BRWD1: variants seen among roughly 807,000 people sequenced by gnomAD.
The protein encoded by BRWD1 is bromodomain and WD repeat-containing protein 1.
BRWD1 carries 82 observed loss-of-function variants against 251.2 expected under a neutral mutation model. That is an observed-to-expected ratio of 0.33 (90% CI 0.27 to 0.39). The LOEUF (loss-of-function observed/expected upper bound fraction) is 0.39, where lower values mean the gene tolerates loss of function less well. Among genes scored for constraint, BRWD1 ranks in the 10% least tolerant of loss-of-function variants. The probability of loss-of-function intolerance (pLI) is 1.00; values close to 1 mark genes in which losing one functional copy is unlikely to be tolerated. For missense variants in BRWD1, 2,233 were observed against 2,711.6 expected (o/e 0.82, Z 3.92); for synonymous variants, 918 against 902.8 (o/e 1.02, Z -0.30).
intron 13 of BRWD1, 80 bp downstream of exon 13, chr21:39,274,284 CCACTGAGAGA>C: frequency 9.6e-7 from 1 of 1,037,252 alleles, no homozygotes; most frequent in Non-Finnish European, 1.5e-6. Context: ...AACAAAATAA[CCACTGAGAGA>C]CACAGAGAGC....
rs766506347 is a variant in BRWD1, at chr21:39,295,891, C to A, written c.461G>T (p.Arg154Leu). 1.9e-6 allele frequency: 3 copies of A among 1,594,858 alleles called. No individual in the cohort carries two copies. Among genetic ancestry groups the A allele is most frequent in the Admixed American group, 1.7e-5 (1 of 58,448 alleles). Residue 154 changes from arginine (R) to leucine (L), a missense_variant, in exon 7 of 41, where the codon CGA becomes CTA. Physicochemically the swap from Arg to Leu is moderately radical, Grantham distance 102 (BLOSUM62 -2). Around this residue, in one of 12 missense-constraint regions of BRWD1, gnomAD observed 185 missense variants for 260.6 expected, o/e 0.71. Transcript: ENST00000342449. ...GGAACACCCTGTGAGTTGTTTTCCT[C>A]GATGTATCTCCACTAGGAAATAAAA... is the stretch of plus-strand genomic sequence containing the variant. Reference protein sequence around the residue: ...GSPPNLVEIHRGKQLTGCSTF... With the variant: ...GSPPNLVEIHLGKQLTGCSTF...
At chr21:39,304,850 A>G (rs993584241) in intron 4 of BRWD1, among the ~76,000 whole-genome samples, 12 of 152,106 alleles carry the variant, frequency 7.9e-5, no homozygotes, top group Admixed American at 5.9e-4. Flanking sequence ...ATTTTCTAAT[A>G]TTTAAGGTCA....
At chr21:39,227,867 T>C (rs2033445007) in intron 27 of BRWD1, among the ~76,000 whole-genome samples, 1 of 152,182 alleles carries the variant, frequency 6.6e-6, no homozygotes, top group Non-Finnish European at 1.5e-5. Context: ...AAGATAATTA[T>C]ATACAATATA....
At chr21:39,316,032 T>A (rs1236008274), upstream of BRWD1, among the ~76,000 whole-genome samples, 1 of 152,180 alleles carries the variant, frequency 6.6e-6, no homozygotes, top group Non-Finnish European at 1.5e-5. Flanking sequence ...TTGGAGAGGA[T>A]GGGACCATGA....
chr21:39,277,436 G>C, intron 10 of BRWD1, 85 bp from the exon 11 acceptor site: 2 of 866,204 alleles, frequency 2.3e-6, no homozygotes, highest in Non-Finnish European at 3.3e-6. Context: ...ATATAAAAAA[G>C]AAAGATCATT....
At chr21:39,221,513 TA>T (rs1200846354) in intron 29 of BRWD1, among the ~76,000 whole-genome samples, 37 of 150,090 alleles carry the variant, frequency 2.5e-4, no homozygotes. Flanking sequence ...AATGAAACAG[TA>T]AAAGAAAATA....
At chr21:39,294,202 G>C (rs980413907) in intron 7 of BRWD1, among the ~76,000 whole-genome samples, 170 bp from the exon 8 acceptor site, 7 of 152,142 alleles carry the variant, frequency 4.6e-5, no homozygotes, top group South Asian at 2.1e-4. Context: ...TGGAATAATA[G>C]TATTTTTCTT....
At chr21:39,232,675 A>T (rs979872713) in intron 23 of BRWD1, among the ~76,000 whole-genome samples, 177 bp from the exon 24 acceptor site, 15 of 152,334 alleles carry the variant, frequency 9.8e-5, no homozygotes, top group African/African-American at 3.6e-4. Context: ...TATATCACTT[A>T]AAAAAGCATT....
intron 25 of BRWD1, among the ~76,000 whole-genome samples, chr21:39,231,583 A>G (rs1159531742): frequency 6.6e-6 from 1 of 152,222 alleles, no homozygotes; most frequent in African/African-American, 2.4e-5. Context: ...AAATCACAGA[A>G]TTAAAAGTTC....
In BRWD1 at chr21:39,189,509, T is replaced by C. The variant is rs927883277; in HGVS notation, c.*6750A>G. On this transcript the variant is annotated 3_prime_UTR_variant, in exon 41 of 41. Transcript: ENST00000342449. ...AAAAAAAAAACTAAAATCAGGTTTT[T>C]AAAAAATACTTAAGGAAATTTGAAC... 9 of 981,588 alleles carry C rather than the reference T, an allele frequency of 9.2e-6. No homozygotes were observed. Among genetic ancestry groups the C allele is most frequent in the Middle Eastern group, 5.3e-4 (1 of 1,902 alleles). 60.8% of individuals were successfully genotyped at this position (981,588 alleles called of 1,614,324 possible). A position where few individuals can be genotyped will look rare whatever the true frequency, so the allele number is the denominator to read the frequency against.
intron 21 of BRWD1, among the ~76,000 whole-genome samples, chr21:39,242,230 G>A (rs1170503979): frequency 6.6e-6 from 1 of 152,234 alleles, no homozygotes; most frequent in Non-Finnish European, 1.5e-5. Flanking sequence ...TGCTATTCCA[G>A]TGAACACACA....
intron 4 of BRWD1, among the ~76,000 whole-genome samples, chr21:39,312,030 C>G (rs1027583660): frequency 1.3e-5 from 2 of 152,142 alleles, no homozygotes. Context: ...TTCCTTTATC[C>G]TAATAACGAA....
Position 39,193,541 on chromosome 21 carries a change from T to C in BRWD1, c.*2718A>G. ...GAAAGCAAAAATCAAATCTGAGTAC[T>C]TCAAAGCCTGTAAAACCATAAATGA... On this transcript the variant is annotated 3_prime_UTR_variant, in exon 41 of 41. Transcript: ENST00000342449. 1 of 985,526 alleles carries C rather than the reference T, an allele frequency of 1.0e-6. No individual in the cohort carries two copies. The highest frequency in any genetic ancestry group is 1.2e-6 in the Non-Finnish European group (1 of 829,726). 61.0% of individuals were successfully genotyped at this position (985,526 alleles called of 1,614,324 possible). A position where few individuals can be genotyped will look rare whatever the true frequency, so the allele number is the denominator to read the frequency against.
At chr21:39,273,795 G>C (rs999541080) in intron 13 of BRWD1, among the ~76,000 whole-genome samples, 1 of 152,046 alleles carries the variant, frequency 6.6e-6, no homozygotes, top group Non-Finnish European at 1.5e-5. Context: ...ATTTCCAGAA[G>C]ACAAAATGTG....
rs1321302704 is a variant in BRWD1 at position 39,187,429 on chromosome 21, G to A, written c.*8830C>T. ...TCTAGGAACAAATTCTGAAAAATGA[G>A]TGAAAGTTCATGTAAATGCAAAAAT... On this transcript the variant is annotated 3_prime_UTR_variant, in exon 41 of 41. Transcript: ENST00000342449. 2 of 1,536,674 alleles carry A rather than the reference G, an allele frequency of 1.3e-6. No individual in the cohort carries two copies. Among genetic ancestry groups the A allele is most frequent in the Non-Finnish European group, 1.7e-6 (2 of 1,145,190 alleles).
chr21:39,184,966 G>A (rs902233490), downstream of BRWD1: 3 of 152,102 alleles, frequency 2.0e-5, no homozygotes, highest in African/African-American at 7.2e-5. Flanking sequence ...TGATTTCACA[G>A]TTCCATGATG....
intron 7 of BRWD1, 125 bp from the exon 8 acceptor site, chr21:39,294,157 T>C: frequency 1.4e-6 from 1 of 735,582 alleles, no homozygotes; most frequent in Non-Finnish European, 2.2e-6. Flanking sequence ...CTCTCTTATT[T>C]ATGTAATAAA....
chr21:39,307,087 C>T (rs931678850), intron 4 of BRWD1, among the ~76,000 whole-genome samples: 42 of 152,350 alleles, frequency 2.8e-4, no homozygotes, highest in Admixed American at 7.8e-4. Flanking sequence ...CTCCTGACCT[C>T]AGGTGATCCA....
At position 39,313,498 on chromosome 21, in the gene BRWD1, G is replaced by A; in HGVS notation, c.-7C>T. 1 of 1,335,726 alleles carries A rather than the reference G, an allele frequency of 7.5e-7. No homozygotes were observed. The highest frequency in any genetic ancestry group is 3.1e-5 in the East Asian group (1 of 32,104). The allele number at this position is 1,335,726 out of a possible 1,614,324, so 82.7% of individuals were successfully genotyped here. On this transcript the variant is annotated 5_prime_UTR_variant, in exon 1 of 41. Transcript: ENST00000342449. ...CGGACGACGGCTCCGCCATGGCCGG[G>A]CGCGGGGCGGGAGGCGGGAGCGAGC...
Sources: gnomAD v4.1 joint callset for allele counts (sites outside exome capture counted in the v4.1 genomes callset) on GRCh38, gnomAD v4.1.1 for gene constraint, gnomAD v4.1.1 regional missense constraint, MANE v1.5 for transcripts, NCBI Gene and HGNC (gene_info 2026-07-23, HGNC 2026-07-21) for gene names.